Variants in UTP6 observed in about 807,000 individuals in gnomAD.
UTP6 encodes the protein UTP6 small subunit processome component, also known as U3 small nucleolar RNA-associated protein 6 homolog.
A neutral mutation model predicts 96.5 loss-of-function variants in UTP6; 60 were observed. That is an observed-to-expected ratio of 0.62 (90% confidence interval 0.51 to 0.77). The LOEUF (loss-of-function observed/expected upper bound fraction) is 0.77, where lower values mean the gene tolerates loss of function less well. UTP6 is among the 30% of genes least tolerant of loss of function. The probability of loss-of-function intolerance (pLI) is 0.00; values close to 1 mark genes in which losing one functional copy is unlikely to be tolerated. For missense variants in UTP6, 637 were observed against 706.5 expected (o/e 0.90, Z 1.12); for synonymous variants, 215 against 240.1 (o/e 0.90, Z 0.96).
At chr17:31,887,348 A>G (rs1911211448) in intron 7 of UTP6, 35 bp from the exon 8 acceptor site, 2 of 1,599,998 alleles carry the variant, frequency 1.3e-6, no homozygotes, top group East Asian at 2.2e-5. Flanking sequence ...ATCTTTGGAG[A>G]TGCTTTTTAA....
intron 2 of UTP6, among the ~76,000 whole-genome samples, chr17:31,898,225 T>G (rs1904767389): frequency 6.6e-6 from 1 of 152,184 alleles, no homozygotes; most frequent in Admixed American, 6.6e-5. Flanking sequence ...GTTTCTGGAA[T>G]TCTTTTAATT....
intron 16 of UTP6, among the ~76,000 whole-genome samples, chr17:31,870,172 T>G (rs1232668664): frequency 1.3e-5 from 2 of 152,186 alleles, no homozygotes; most frequent in African/African-American, 4.8e-5. Context: ...TTATTTGTTT[T>G]CCTTTGGGTA....
chr17:31,901,336 C>A (rs1043070159), intron 1 of UTP6, 200 bp downstream of exon 1: 1 of 568,514 alleles, frequency 1.8e-6, no homozygotes, highest in African/African-American at 1.9e-5. Context: ...GTCAAAACGT[C>A]TGATGGGTAA....
intron 13 of UTP6, among the ~76,000 whole-genome samples, chr17:31,876,880 T>C (rs1358168579): frequency 1.3e-5 from 2 of 151,670 alleles, no homozygotes; most frequent in Admixed American, 1.3e-4. Flanking sequence ...GGTGTGTTGG[T>C]GCACGCCTGT....
chr17:31,868,161 T>G, intron 16 of UTP6, 49 bp from the exon 17 acceptor site: 2 of 1,551,882 alleles, frequency 1.3e-6, no homozygotes, highest in Non-Finnish European at 8.8e-7. Context: ...AAAAAGCCTC[T>G]TACATCTCAT....
chr17:31,865,170 C>T (rs1567774371), intron 18 of UTP6, among the ~76,000 whole-genome samples, 196 bp downstream of exon 18: 1 of 152,156 alleles, frequency 6.6e-6, no homozygotes. Flanking sequence ...TGCGCACCAC[C>T]ATGTCCAGCT....
intron 5 of UTP6, 143 bp from the exon 6 acceptor site, chr17:31,892,466 G>A (rs1248712667): frequency 5.5e-6 from 5 of 909,004 alleles, no homozygotes; most frequent in African/African-American, 1.7e-5. Flanking sequence ...AACGAACACA[G>A]ACCCTCAAAA....
chr17:31,892,432 A>T, intron 5 of UTP6, 109 bp from the exon 6 acceptor site: 1 of 1,123,680 alleles, frequency 8.9e-7, no homozygotes, highest in Non-Finnish European at 1.3e-6. Flanking sequence ...ATGGAGCATG[A>T]CATGCTATTG....
chr17:31,877,624 G>A (rs926872578), intron 13 of UTP6, among the ~76,000 whole-genome samples: 1 of 151,958 alleles, frequency 6.6e-6, no homozygotes, highest in Non-Finnish European at 1.5e-5. Context: ...TTGAGGTCAG[G>A]AGCTCAAGAC....
chr17:31,879,665 C>T (rs918456336), intron 11 of UTP6, among the ~76,000 whole-genome samples: 8 of 151,578 alleles, frequency 5.3e-5, no homozygotes, highest in African/African-American at 1.9e-4. Context: ...CAGCAGGATC[C>T]TGTCTCAAAA....
At chr17:31,880,453 T>A in intron 11 of UTP6, 120 bp downstream of exon 11, 148 of 1,034,774 alleles carry the variant, frequency 1.4e-4, no homozygotes, top group Non-Finnish European at 1.9e-4. Flanking sequence ...GCCAGGCTCA[T>A]CGTAAACTAT....
Position 31,877,618 on chromosome 17 carries a change from G to T in UTP6, c.1125+632C>A, listed in dbSNP as rs147132698. 1.7e-3 allele frequency among the ~76,000 whole-genome samples: 255 copies of T among 152,220 alleles called. 1 individual carries two copies. Among genetic ancestry groups the T allele is most frequent in the Admixed American group, 5.3e-3 (81 of 15,268 alleles). On this transcript the variant is annotated intron_variant, in intron 13 of 18. Transcript: ENST00000261708. ...AGGCTGAGGCAGTCAGATCGCTTGA[G>T]GTCAGGAGCTCAAGACCAGCCTGGC...
At chr17:31,870,264 G>A (rs924657338) in intron 16 of UTP6, among the ~76,000 whole-genome samples, 19 of 152,066 alleles carry the variant, frequency 1.2e-4, no homozygotes, top group African/African-American at 3.9e-4. Flanking sequence ...TTTCCACAGT[G>A]GCTGAACTAA....
chr17:31,892,910 C>T (rs1269556362), intron 4 of UTP6, 116 bp from the exon 5 acceptor site: 9 of 1,167,992 alleles, frequency 7.7e-6, no homozygotes, highest in Non-Finnish European at 9.8e-6. Flanking sequence ...CGGTGGCTCA[C>T]ACCTGTAATC....
intron 14 of UTP6, 112 bp from the exon 15 acceptor site, chr17:31,873,865 C>G: frequency 8.4e-7 from 1 of 1,194,546 alleles, no homozygotes; most frequent in Non-Finnish European, 1.2e-6. Flanking sequence ...TATAAAATGA[C>G]AGTTTAGTCC....
At chr17:31,874,398 T>G (rs1046429389) in intron 14 of UTP6, 7 of 151,478 alleles carry the variant, frequency 4.6e-5, no homozygotes, top group African/African-American at 1.7e-4. Flanking sequence ...ATACAAAAAT[T>G]AGCTGGGCAT....
intron 17 of UTP6, among the ~76,000 whole-genome samples, chr17:31,867,196 A>G (rs1267882120): frequency 1.3e-5 from 2 of 152,252 alleles, no homozygotes; most frequent in Non-Finnish European, 2.9e-5. Context: ...AAACTGTTCT[A>G]TACTGTAGAA....
intron 7 of UTP6, chr17:31,887,961 C>CAAAAAAAA (rs34260710): frequency 9.5e-5 from 6 of 63,330 alleles, no homozygotes; most frequent in South Asian, 7.1e-4. Flanking sequence ...GACTCCATCT[C>CAAAAAAAA]AAAAAAAAAA....
rs1910326906 is a variant in UTP6, at chr17:31,873,713, T to A, written c.1346A>T (p.Glu449Val). The change falls in exon 15 of 19, where the codon GAA becomes GTA. Residue 449 changes from glutamate to valine, a missense_variant. Physicochemically the swap from Glu to Val is moderately radical, Grantham distance 121 (BLOSUM62 -2). Transcript: ENST00000261708. ...PLWISWAEWS[E>V]GAKSQEDTEA... ...AGTGTCTTCTTGGCTTTTGGCACCT[T>A]CACTCCACTCTGCCCAGGAAATCCA... 6.2e-7 allele frequency: 1 copy of A among 1,612,156 alleles called. No homozygotes were observed. The highest frequency in any genetic ancestry group is 2.2e-5 in the East Asian group (1 of 44,886).
Sources: gnomAD v4.1 joint callset for allele counts (sites outside exome capture counted in the v4.1 genomes callset) on GRCh38, gnomAD v4.1.1 for gene constraint, MANE v1.5 for transcripts, NCBI Gene and HGNC (gene_info 2026-07-23, HGNC 2026-07-21) for gene names.